Variants in PARD3 observed in about 807,000 individuals in gnomAD.
PARD3 encodes partitioning defective 3 homolog.
In PARD3, 75 loss-of-function variants were observed where a neutral mutation model predicts 155.4. The observed-to-expected ratio is 0.48, with a 90% CI of 0.40 to 0.58. The LOEUF is 0.58. Ranked by LOEUF, PARD3 falls within the 20% of genes least tolerant of loss-of-function variation. PARD3 has a pLI of 0.00. For missense variants in PARD3, 1,642 were observed against 1,721.7 expected, an observed-to-expected ratio of 0.95 and a Z score of 0.82; for synonymous variants, 576 against 610.5, an observed-to-expected ratio of 0.94 and a Z score of 0.83.
At position 34,601,349 on chromosome 10, in the gene PARD3, A is replaced by T. The variant is rs189275865; in HGVS notation, c.223-84190T>A. Reference sequence around the variant, plus strand: ...TCCCAGCTACTCAAAAGGCTAAGGCAGGAGGATCTTGAGTCCAGGAGTTCA... The same window carrying T: ...TCCCAGCTACTCAAAAGGCTAAGGCTGGAGGATCTTGAGTCCAGGAGTTCA... On this transcript the variant is annotated intron_variant, in intron 2 of 24. Coordinates refer to ENST00000374788, the MANE Select transcript of PARD3 (RefSeq NM_001184785.2). Among the ~76,000 whole-genome samples the T allele has an allele frequency of 4.3e-4, 66 of 152,046 alleles. 2 individuals carry two copies. In the East Asian group the frequency reaches 0.012, roughly 27 times the overall value.
chr10:34,207,102 T>C (rs1275068280), intron 22 of PARD3, among the ~76,000 whole-genome samples: 1 of 152,148 alleles, frequency 6.6e-6, no homozygotes, highest in Non-Finnish European at 1.5e-5. Flanking sequence ...TTGGGATGGG[T>C]GAGGCCTCTC....
chr10:34,119,710 G>A lies in PARD3; in HGVS notation c.3571C>T (p.Arg1191Ter), dbSNP rs756481472. 1.9e-6 allele frequency: 3 copies of A among 1,612,560 alleles called. No homozygotes were observed. Among genetic ancestry groups the A allele is most frequent in the South Asian group, 2.2e-5 (2 of 90,940 alleles). The change falls in exon 24 of 25, where the codon CGA (arginine) becomes TGA (stop). Residue 1191 changes from arginine to a stop codon, truncating the protein, a stop_gained. Transcript: ENST00000374788. LOFTEE classifies it high-confidence loss of function. ...TGCACCTCCACGGACACCGAGTGTC[G>A]CCCGCTCTGCGTCGCCGGCCGTGCG... ...PNARPATQSG[R>*]HSVSVEVQMQ...
intron 2 of PARD3, among the ~76,000 whole-genome samples, chr10:34,621,207 GTT>G (rs776876508): frequency 5.3e-5 from 8 of 151,646 alleles, no homozygotes; most frequent in Non-Finnish European, 8.8e-5. Flanking sequence ...TTTTTTGGGG[GTT>G]TTTTTTGTTG....
At chr10:34,809,946 A>G (rs1172455708) in intron 1 of PARD3, among the ~76,000 whole-genome samples, 2 of 152,222 alleles carry the variant, frequency 1.3e-5, no homozygotes, top group Non-Finnish European at 2.9e-5. Flanking sequence ...AATGAATAAC[A>G]TGCAGTCATA....
rs756531067 is a variant in PARD3 at position 34,377,958 on chromosome 10, G to C, written c.1539+9C>G. 1.3e-5 allele frequency: 19 copies of C among 1,517,228 alleles called. No individual in the cohort carries two copies. The highest frequency in any genetic ancestry group is 1.8e-6 in the Non-Finnish European group (2 of 1,140,388). The allele number at this position is 1,517,228 out of a possible 1,614,324, so 94.0% of individuals were successfully genotyped here. A position where few individuals can be genotyped will look rare whatever the true frequency, so the allele number is the denominator to read the frequency against. ...AATCAGGGAACATCCTGCTGGGGAA[G>C]TCACTTACCTCTATAAGTCTGTCTC... is the stretch of plus-strand genomic sequence containing the variant. On this transcript the variant is annotated intron_variant, in intron 10 of 24. Transcript: ENST00000374788.
chr10:34,333,270 A>G (rs1482582339), intron 18 of PARD3, among the ~76,000 whole-genome samples: 2 of 152,172 alleles, frequency 1.3e-5, no homozygotes, highest in East Asian at 3.8e-4. Flanking sequence ...GATTTTACTT[A>G]GTGTACTGAC....
chr10:34,611,685 G>A (rs1457416285), intron 2 of PARD3, among the ~76,000 whole-genome samples: 1 of 151,986 alleles, frequency 6.6e-6, no homozygotes, highest in Non-Finnish European at 1.5e-5. Context: ...AAATCCTGTT[G>A]ACTCCTAAGG....
chr10:34,624,737 C>T (rs932000963), intron 2 of PARD3, among the ~76,000 whole-genome samples: 1 of 152,226 alleles, frequency 6.6e-6, no homozygotes, highest in Non-Finnish European at 1.5e-5. Flanking sequence ...CCCCAAGAAA[C>T]CCCACAGTGC....
At chr10:34,704,680 C>T (rs2094336443) in intron 1 of PARD3, among the ~76,000 whole-genome samples, 2 of 152,190 alleles carry the variant, frequency 1.3e-5, no homozygotes, top group Non-Finnish European at 2.9e-5. Flanking sequence ...CCAAAGAAGG[C>T]TCTGCTCTTT....
chr10:34,455,797 T>A (rs1014304345), intron 4 of PARD3, among the ~76,000 whole-genome samples: 2 of 152,168 alleles, frequency 1.3e-5, no homozygotes, highest in Non-Finnish European at 2.9e-5. Flanking sequence ...TAGGTGCATG[T>A]CTATTCCTAA....
At chr10:34,566,409 T>C (rs560397628) in intron 2 of PARD3, among the ~76,000 whole-genome samples, 1 of 152,324 alleles carries the variant, frequency 6.6e-6, no homozygotes, top group Non-Finnish European at 1.5e-5. Context: ...ATTCATAACT[T>C]GGTCTTTTCT....
intron 3 of PARD3, among the ~76,000 whole-genome samples, chr10:34,500,314 C>T (rs548592166): frequency 2.1e-4 from 32 of 152,318 alleles, no homozygotes; most frequent in Middle Eastern, 3.4e-3. Flanking sequence ...CCCAAGAATG[C>T]ACTTTTTCAA....
At chr10:34,194,518 AT>A (rs1950853230) in intron 22 of PARD3, among the ~76,000 whole-genome samples, 2 of 152,212 alleles carry the variant, frequency 1.3e-5, no homozygotes, top group South Asian at 4.2e-4. Context: ...AAATTAGGGA[AT>A]TTATGCATCA....
chr10:34,583,394 T>C (rs1205461271), intron 2 of PARD3, among the ~76,000 whole-genome samples: 1 of 152,222 alleles, frequency 6.6e-6, no homozygotes, highest in Non-Finnish European at 1.5e-5. Flanking sequence ...GAAAGATACA[T>C]GTGCTCCCTG....
At chr10:34,311,901 T>A (rs1564572124) in intron 20 of PARD3, among the ~76,000 whole-genome samples, 1 of 152,170 alleles carries the variant, frequency 6.6e-6, no homozygotes, top group Non-Finnish European at 1.5e-5. Context: ...ACACACCTCT[T>A]TGCCTCTGCC....
chr10:34,361,336 G>A lies in PARD3; in HGVS notation c.1708-1077C>T, dbSNP rs143463407. Among the ~76,000 whole-genome samples the A allele has an allele frequency of 3.8e-4, 58 of 152,272 alleles. 1 individual carries two copies. The East Asian group carries it at 6.0e-3, about 16-fold the overall frequency. On this transcript the variant is annotated intron_variant, in intron 12 of 24. Transcript: ENST00000374788. ...CGTTTGAAATATTTCTCCAGCATCTGTTTAGTCATTCAAGCTTGACTTATC... is the reference window on the plus strand; with the variant it reads ...CGTTTGAAATATTTCTCCAGCATCTATTTAGTCATTCAAGCTTGACTTATC...
At chr10:34,263,943 A>G (rs1381388607) in intron 22 of PARD3, among the ~76,000 whole-genome samples, 1 of 152,238 alleles carries the variant, frequency 6.6e-6, no homozygotes, top group Non-Finnish European at 1.5e-5. Flanking sequence ...TGTGGAAATT[A>G]TTTGACCAGG....
intron 22 of PARD3, among the ~76,000 whole-genome samples, chr10:34,267,615 G>C (rs1955387509): frequency 6.6e-6 from 1 of 152,166 alleles, no homozygotes; most frequent in African/African-American, 2.4e-5. Context: ...GTTTGCCTAA[G>C]AGTTACCTGT....
At chr10:34,769,059 C>T (rs540854758) in intron 1 of PARD3, among the ~76,000 whole-genome samples, 4 of 152,332 alleles carry the variant, frequency 2.6e-5, no homozygotes, top group Admixed American at 2.6e-4. Context: ...ATTCCATTAC[C>T]CCACCGTCTC....
Sources: allele counts gnomAD v4.1 joint callset (sites outside exome capture counted in the v4.1 genomes callset), GRCh38; gene constraint gnomAD v4.1.1; transcripts MANE v1.5; gene names NCBI Gene and HGNC (gene_info 2026-07-23, HGNC 2026-07-21).